Variants in NID2 observed in about 807,000 individuals in gnomAD.
NID2 encodes the protein nidogen 2.
NID2 carries 83 observed loss-of-function variants against 145.4 expected under a neutral mutation model. The ratio of observed to expected loss-of-function variants is 0.57; its 90% confidence interval spans 0.48 to 0.69. The LOEUF (loss-of-function observed/expected upper bound fraction) is 0.69. NID2 is among the 30% of genes least tolerant of loss of function. The pLI is 0.00. For missense variants in NID2, 1,807 were observed against 1,765.7 expected (o/e 1.02, Z -0.42); for synonymous variants, 739 against 701.3 (o/e 1.05, Z -0.85).
intron 12 of NID2, among the ~76,000 whole-genome samples, chr14:52,021,094 C>G (rs750202953): frequency 1.3e-5 from 2 of 151,262 alleles, no homozygotes; most frequent in Non-Finnish European, 2.9e-5. Flanking sequence ...CTTTAAGAGA[C>G]AGGAAGTCTT....
Position 52,068,991 on chromosome 14 carries a change from C to G in NID2, c.4G>C (p.Glu2Gln), listed in dbSNP as rs1001938599. The G allele has an allele frequency of 1.9e-6, 3 of 1,608,988 alleles. No individual in the cohort carries two copies. Among genetic ancestry groups the G allele is most frequent in the African/African-American group, 2.7e-5 (2 of 74,858 alleles). Residue 2 changes from glutamate to glutamine, a missense_variant, in exon 1 of 22, where the codon GAG becomes CAG. Transcript: ENST00000216286. M[E>Q]GDRVAGRPVL... ...GGCCGCCCGGCCACCCGGTCCCCCT[C>G]CATGCTCGCTCGGCCGTGCGCTTAC...
At chr14:52,044,925 G>A (rs2140407943) in intron 5 of NID2, among the ~76,000 whole-genome samples, 1 of 152,120 alleles carries the variant, frequency 6.6e-6, no homozygotes, top group South Asian at 2.1e-4. Flanking sequence ...CTCTGGCCAG[G>A]GACAATTTTT....
intron 10 of NID2, 48 bp from the exon 11 acceptor site, chr14:52,028,898 A>G: frequency 6.2e-7 from 1 of 1,601,028 alleles, no homozygotes; most frequent in Non-Finnish European, 8.5e-7. Flanking sequence ...CAAGGGTCCC[A>G]GAAGTGGAGG....
At chr14:52,029,720 A>T in intron 9 of NID2, 30 bp from the exon 10 acceptor site, 1 of 1,602,620 alleles carries the variant, frequency 6.2e-7, no homozygotes, top group Middle Eastern at 1.7e-4. Flanking sequence ...ATAAAAGCAC[A>T]ATCTGGCTAT....
chr14:52,057,703 CAAAAAAAAAAAAAA>C (rs5808649), intron 3 of NID2, among the ~76,000 whole-genome samples: 2 of 89,650 alleles, frequency 2.2e-5, no homozygotes, highest in African/African-American at 8.8e-5. Flanking sequence ...ACCTCCGTCT[CAAAAAAAAAAAAAA>C]AAAAAAAAAA....
At chr14:52,037,647 A>T (rs2140394385) in intron 9 of NID2, among the ~76,000 whole-genome samples, 1 of 152,254 alleles carries the variant, frequency 6.6e-6, no homozygotes, top group Middle Eastern at 3.4e-3. Flanking sequence ...TTGAATTTCC[A>T]TATAAATTCT....
At chr14:52,027,949 T>C (rs1391318654) in intron 11 of NID2, among the ~76,000 whole-genome samples, 1 of 152,194 alleles carries the variant, frequency 6.6e-6, no homozygotes, top group Admixed American at 6.5e-5. Context: ...GGGATAGTTC[T>C]TTTGATCCAT....
At chr14:52,025,845 A>C (rs552063814) in intron 12 of NID2, among the ~76,000 whole-genome samples, 58 of 152,098 alleles carry the variant, frequency 3.8e-4, no homozygotes, top group African/African-American at 1.2e-3. Flanking sequence ...AAGTTTCAAC[A>C]TGAGTTTTGA....
At chr14:52,018,138 G>A (rs1194954615) in intron 14 of NID2, among the ~76,000 whole-genome samples, 1 of 152,010 alleles carries the variant, frequency 6.6e-6, no homozygotes, top group African/African-American at 2.4e-5. Context: ...CCATTAAAAG[G>A]GAAAAAAACT....
intron 3 of NID2, 71 bp downstream of exon 3, chr14:52,060,053 A>C: frequency 1.8e-6 from 2 of 1,084,600 alleles, no homozygotes; most frequent in Non-Finnish European, 2.7e-6. Flanking sequence ...TCTTATGGTC[A>C]CTTGTGTTCA....
chr14:52,068,107 C>T lies in NID2; in HGVS notation c.285G>A (p.Val95=). The change falls in exon 2 of 22, where the codon GTG becomes GTA. Residue 95 remains valine, a synonymous_variant. Coordinates refer to ENST00000216286, the MANE Select transcript of NID2 (RefSeq NM_007361.4). ...TQDFPRETQY[V]DYDFPTDFPA... is the part of the protein sequence containing the mutation. ...GGAAGTCGGTGGGGAAATCATAGTC[C>T]ACATACTGCGTTTCCCTGGGGAAGT... is the stretch of plus-strand genomic sequence containing the variant. 1 of 1,613,460 alleles carries T rather than the reference C, an allele frequency of 6.2e-7. No individual in the cohort carries two copies. The highest frequency in any genetic ancestry group is 8.5e-7 in the Non-Finnish European group (1 of 1,179,920).
chr14:52,019,093 C>T lies in NID2; in HGVS notation c.2996G>A (p.Gly999Asp). The T allele has an allele frequency of 6.2e-7, 1 of 1,614,056 alleles. No homozygotes were observed. Among genetic ancestry groups the T allele is most frequent in the Non-Finnish European group, 8.5e-7 (1 of 1,179,972 alleles). ...HEVPGTQTPP[G>D]STPPHCGPSP... ...TGGTCCACAGTGAGGCGGGGTGGAG[C>T]CAGGTGGAGTCTGGGTACCAGGAAC... Residue 999 changes from glycine to aspartate, a missense_variant, in exon 14 of 22, where the codon GGC becomes GAC. By Grantham distance (94) the Gly-to-Asp change is moderately conservative. Transcript: ENST00000216286.
chr14:52,019,007 G>A, intron 14 of NID2, 54 bp downstream of exon 14: 1 of 1,408,050 alleles, frequency 7.1e-7, no homozygotes, highest in Non-Finnish European at 1.0e-6. Flanking sequence ...CAGGAATTAT[G>A]ATCTACCTAC....
At chr14:52,048,047 A>T (rs1892563578) in intron 5 of NID2, among the ~76,000 whole-genome samples, 1 of 152,208 alleles carries the variant, frequency 6.6e-6, no homozygotes, top group African/African-American at 2.4e-5. Context: ...TGTTGATAGA[A>T]GGCTTGGGAT....
chr14:52,029,562 C>T lies in NID2; in HGVS notation c.2386G>A (p.Gly796Arg). ...TGGCTCTTACCCACACAGTTCCGTC[C>T]ATCTCCCTGGTACCCAGATGCGCAC... ...CECASGYQGDGRNCVDENECA... is the reference protein window; with the variant it reads ...CECASGYQGDRRNCVDENECA... Residue 796 changes from glycine to arginine, a missense_variant, in exon 10 of 22, where the codon GGA (glycine) becomes AGA (arginine). Physicochemically the swap from Gly to Arg is moderately radical, Grantham distance 125. Transcript: ENST00000216286. The T allele has an allele frequency of 6.2e-7, 1 of 1,613,068 alleles. No individual in the cohort carries two copies. The highest frequency in any genetic ancestry group is 8.5e-7 in the Non-Finnish European group (1 of 1,179,164).
intron 2 of NID2, among the ~76,000 whole-genome samples, chr14:52,063,919 T>C (rs1453959969): frequency 2.6e-5 from 4 of 152,216 alleles, no homozygotes; most frequent in Non-Finnish European, 5.9e-5. Context: ...TCCCTAATAC[T>C]ATATCCTTCC....
chr14:52,030,573 GAAGGGAAAGAAA>G lies in NID2; in HGVS notation c.2258-895_2258-884del, dbSNP rs1363566156. Among the ~76,000 whole-genome samples, 9 of 26,034 alleles carry G rather than the reference GAAGGGAAAGAAA, an allele frequency of 3.5e-4. No individual in the cohort carries two copies. In the South Asian group the frequency reaches 6.7e-3, roughly 19 times the overall value. 17.1% of individuals were successfully genotyped at this position (26,034 alleles called of 152,430 possible). A position where few individuals can be genotyped will look rare whatever the true frequency, so the allele number is the denominator to read the frequency against. On this transcript the variant is annotated intron_variant, in intron 9 of 21. Transcript: ENST00000216286. ...GAAAGAAAGAAAGAAAGAAAGGAAG[GAAGGGAAAGAAA>G]GAAAGAAAGAAAGAAAGAAAGAGAA...
At chr14:52,065,999 T>C (rs1893193271) in intron 2 of NID2, among the ~76,000 whole-genome samples, 1 of 151,372 alleles carries the variant, frequency 6.6e-6, no homozygotes, top group African/African-American at 2.4e-5. Context: ...GCATGATTTA[T>C]AGTCCTTTGG....
chr14:52,020,156 G>A lies in NID2; in HGVS notation c.2697C>T (p.Asn899=). The A allele has an allele frequency of 1.2e-6, 2 of 1,613,992 alleles. No individual in the cohort carries two copies. Among genetic ancestry groups the A allele is most frequent in the Non-Finnish European group, 1.7e-6 (2 of 1,179,884 alleles). The change falls in exon 13 of 22, where the codon AAC becomes AAT. Residue 899 remains asparagine, a synonymous_variant. Transcript: ENST00000216286. ...QCTDVDECSE[N]RCHPAATCYN... ...AGCAGGTAGCTGCAGGGTGACATCT[G>A]TTTTCTGAGCATTCATCTACATCTG... is the stretch of plus-strand genomic sequence containing the variant.
Sources: allele counts gnomAD v4.1 joint callset (sites outside exome capture counted in the v4.1 genomes callset), GRCh38; gene constraint gnomAD v4.1.1; transcripts MANE v1.5; gene names NCBI Gene and HGNC (gene_info 2026-07-23, HGNC 2026-07-21).